The following KRTAP6-2 variants were observed in gnomAD, a reference collection of about 807,000 sequenced individuals.
KRTAP6-2 encodes keratin-associated protein 6-2.
In KRTAP6-2, 1 loss-of-function variant was observed where a neutral mutation model predicts 0.4. That is an observed-to-expected ratio of 2.37 (90% CI 0.84 to 11.25). The LOEUF is 11.25. Ranked by LOEUF, KRTAP6-2 falls within the 30% of genes most tolerant of loss-of-function variation. The pLI, the probability that KRTAP6-2 is intolerant of heterozygous loss-of-function variation, is 0.12. For missense variants in KRTAP6-2, 87 were observed against 82.0 expected (o/e 1.06, Z -0.23); for synonymous variants, 39 against 34.2 (o/e 1.14, Z -0.49).
At chr21:30,598,699 C>A in exon 1 of KRTAP6-2, 1 of 1,613,524 alleles carries the variant, frequency 6.2e-7, no homozygotes, top group Non-Finnish European at 8.5e-7. Flanking sequence ...ATAGTAGTAG[C>A]CAGAGCCGCA....
chr21:30,598,747 C>T (rs1382975950), exon 1 of KRTAP6-2: 3 of 1,608,844 alleles, frequency 1.9e-6, no homozygotes, highest in African/African-American at 2.7e-5. Flanking sequence ...GGAGCCGTAG[C>T]CATGACCATA....
Position 30,598,806 on chromosome 21 carries a change from T to C in KRTAP6-2, c.69A>G (p.Leu23=). Reference sequence around the variant, plus strand: ...AGCGCAGGCTTCCATAGCCATAGCCTAGGCCTTCGTATCCACAGCACCCAT... The same window carrying C: ...AGCGCAGGCTTCCATAGCCATAGCCCAGGCCTTCGTATCCACAGCACCCAT... Residue 23 remains leucine (L), a synonymous_variant, in exon 1 of 1, where the codon CTA becomes CTG. Transcript: ENST00000334897. The C allele has an allele frequency of 5.0e-6, 8 of 1,613,554 alleles. No individual in the cohort carries two copies. In the African/African-American group the frequency reaches 5.3e-5, roughly 11 times the overall value.
At chr21:30,598,836 A>G (rs770734875) in exon 1 of KRTAP6-2, 50 of 1,613,878 alleles carry the variant, frequency 3.1e-5, no homozygotes, top group Non-Finnish European at 4.0e-5. Context: ...ACCCATAGCC[A>G]TGGTCGCCGT....
At chr21:30,598,818 T>C in exon 1 of KRTAP6-2, 1 of 1,613,902 alleles carries the variant, frequency 6.2e-7, no homozygotes, top group Non-Finnish European at 8.5e-7. Context: ...GGCCTTCGTA[T>C]CCACAGCACC....
chr21:30,598,872 C>G (rs757027632), exon 1 of KRTAP6-2: 1 of 1,613,612 alleles, frequency 6.2e-7, no homozygotes, highest in South Asian at 1.1e-5. Flanking sequence ...AGCTGCCGCA[C>G]ATCGTGATGG....
chr21:30,598,753 C>A lies in KRTAP6-2; in HGVS notation c.122G>T (p.Gly41Val), dbSNP rs770836327. ...GAAGAAGCGGGAGCCGTAGCCATGA[C>A]CATAGCCACAGCAGGAGCTATAGCC... Residue 41 changes from glycine to valine, a missense_variant, in exon 1 of 1, where the codon GGT (glycine) becomes GTT (valine). Gly to Val is a moderately radical substitution (Grantham distance 109). Transcript: ENST00000334897. 1.3e-5 allele frequency: 21 copies of A among 1,605,544 alleles called. No homozygotes were observed. In the South Asian group the frequency reaches 1.4e-4, roughly 11 times the overall value.
At chr21:30,598,751 G>T (rs112952516) in exon 1 of KRTAP6-2, 2 of 1,607,020 alleles carry the variant, frequency 1.2e-6, no homozygotes, top group South Asian at 2.2e-5. Context: ...CCGTAGCCAT[G>T]ACCATAGCCA....
exon 1 of KRTAP6-2, chr21:30,598,735 C>G (rs79633020): frequency 2.5e-6 from 4 of 1,608,968 alleles, no homozygotes; most frequent in Non-Finnish European, 3.4e-6. Context: ...ACAGAAGAAG[C>G]GGGAGCCGTA....
In KRTAP6-2 at chr21:30,598,707, G is replaced by A. The variant is rs752369420; in HGVS notation, c.168C>T (p.Cys56=). The A allele has an allele frequency of 6.2e-6, 10 of 1,612,648 alleles. No homozygotes were observed. The South Asian group carries it at 6.6e-5, about 11-fold the overall frequency. Residue 56 remains cysteine, a synonymous_variant, in exon 1 of 1, where the codon TGC becomes TGT. Transcript: ENST00000334897. ...GTCCTCAATAGTAGTAGCCAGAGCCGCATCCATAGCCACAGCCACAGAAGA... is the reference window on the plus strand; with the variant it reads ...GTCCTCAATAGTAGTAGCCAGAGCCACATCCATAGCCACAGCCACAGAAGA...
chr21:30,598,688 A>G (rs1300159998), exon 1 of KRTAP6-2: 11 of 1,613,010 alleles, frequency 6.8e-6, no homozygotes, highest in South Asian at 2.2e-5. Context: ...CGGTGTCCTC[A>G]ATAGTAGTAG....
At chr21:30,598,629 T>C in exon 1 of KRTAP6-2, 14 of 1,557,362 alleles carry the variant, frequency 9.0e-6, no homozygotes, top group Non-Finnish European at 1.2e-5. Context: ...GCATACGGGG[T>C]TCAGAATTGG....
the KRTAP6-2 span, chr21:30,598,693 T>TA: frequency 6.2e-7 from 1 of 1,613,146 alleles, no homozygotes. Context: ...TCCTCAATAG[T>TA]AGTAGCCAGA....
chr21:30,598,706 C>T (rs767130290), exon 1 of KRTAP6-2: 1 of 1,613,210 alleles, frequency 6.2e-7, no homozygotes. Context: ...TAGCCAGAGC[C>T]GCATCCATAG....
chr21:30,598,601 T>G, exon 1 of KRTAP6-2: 2 of 1,453,366 alleles, frequency 1.4e-6, no homozygotes, highest in Non-Finnish European at 1.8e-6. Context: ...ATAATCTTCA[T>G]CCAGCCCCGA....
chr21:30,598,676 C>A, exon 1 of KRTAP6-2: 2 of 1,608,996 alleles, frequency 1.2e-6, no homozygotes, highest in Middle Eastern at 1.7e-4. Flanking sequence ...ATGAGTCTCC[C>A]ACGGTGTCCT....
chr21:30,598,627 G>C, exon 1 of KRTAP6-2: 2 of 1,551,720 alleles, frequency 1.3e-6, no homozygotes, highest in Non-Finnish European at 1.7e-6. Flanking sequence ...GAGCATACGG[G>C]GTTCAGAATT....
chr21:30,598,889 A>G (rs1036597630), exon 1 of KRTAP6-2: 1 of 1,611,396 alleles, frequency 6.2e-7, no homozygotes, highest in South Asian at 1.1e-5. Flanking sequence ...ATGGTTGTGG[A>G]GGTTGTCCTT....
rs749149510 is a variant in KRTAP6-2, at chr21:30,598,828, C to G, written c.47G>C (p.Gly16Ala). 4 of 1,614,004 alleles carry G rather than the reference C, an allele frequency of 2.5e-6. No individual in the cohort carries two copies. In the East Asian group the frequency reaches 8.9e-5, roughly 36 times the overall value. Residue 16 changes from glycine (G) to alanine (A), a missense_variant, in exon 1 of 1, where the codon GGG (glycine) becomes GCG (alanine). By Grantham distance (60) the Gly-to-Ala change is moderately conservative. Coordinates refer to ENST00000334897, the Ensembl canonical transcript of KRTAP6-2. ...GCCTAGGCCTTCGTATCCACAGCAC[C>G]CATAGCCATGGTCGCCGTAGTAGTT...
At chr21:30,598,841 C>T (rs867877544) in exon 1 of KRTAP6-2, 2 of 1,613,964 alleles carry the variant, frequency 1.2e-6, no homozygotes, top group African/African-American at 1.3e-5. Context: ...TAGCCATGGT[C>T]GCCGTAGTAG....
Sources: allele counts gnomAD v4.1 joint callset, GRCh38; gene constraint gnomAD v4.1.1; transcripts MANE v1.5; gene names NCBI Gene and HGNC (gene_info 2026-07-23, HGNC 2026-07-21).